Variants in ITPA observed in about 807,000 individuals in gnomAD.
ITPA encodes inosine triphosphate pyrophosphatase.
In ITPA, 29 loss-of-function variants were observed where a neutral mutation model predicts 29.6. The ratio of observed to expected loss-of-function variants is 0.98; its 90% CI spans 0.73 to 1.34. The LOEUF (loss-of-function observed/expected upper bound fraction) is 1.34, where lower values mean the gene tolerates loss of function less well. Ranked by LOEUF, ITPA falls within the 40% of genes most tolerant of loss-of-function variation. The pLI, the probability that ITPA is intolerant of heterozygous loss-of-function variation, is 0.00. For missense variants in ITPA, 241 were observed against 251.5 expected (o/e 0.96, Z 0.28); for synonymous variants, 103 against 99.3 (o/e 1.04, Z -0.22).
downstream of ITPA, among the ~76,000 whole-genome samples, chr20:3,225,596 C>T (rs888782961): frequency 2.6e-5 from 4 of 152,222 alleles, no homozygotes; most frequent in Non-Finnish European, 5.9e-5. Flanking sequence ...CCACACCTCG[C>T]CCCGTGCATC....
chr20:3,204,981 G>A (rs1385057241), upstream of ITPA, among the ~76,000 whole-genome samples: 1 of 152,020 alleles, frequency 6.6e-6, no homozygotes, highest in African/African-American at 2.4e-5. Flanking sequence ...CTCCCGAGTA[G>A]CTGGGATTAC....
Position 3,219,616 on chromosome 20 carries a change from G to C in ITPA, c.411+984G>C, listed in dbSNP as rs143932784. ...AAAAAATATCTGGGCATGGTGGCAG[G>C]CACCTGTAATCCCAGCTACTGGGGA... is the stretch of plus-strand genomic sequence containing the variant. On this transcript the variant is annotated intron_variant, in intron 6 of 7. Coordinates refer to ENST00000380113, the MANE Select transcript of ITPA (RefSeq NM_033453.4). Among the ~76,000 whole-genome samples, 258 of 151,766 alleles carry C rather than the reference G, an allele frequency of 1.7e-3. 1 individual carries two copies. The highest frequency in any genetic ancestry group is 5.9e-3 in the African/African-American group (245 of 41,372).
chr20:3,211,492 T>TTTTGTTTGTTTG (rs145405860), intron 1 of ITPA, among the ~76,000 whole-genome samples: 7,021 of 150,178 alleles, frequency 0.047, 188 homozygotes, highest in Non-Finnish European at 0.064. Flanking sequence ...TTTTGTTTTG[T>TTTTGTTTGTTTG]TTTGTTTGTT....
upstream of ITPA, chr20:3,204,470 G>A (rs902716757): frequency 8.9e-6 from 13 of 1,467,968 alleles, no homozygotes; most frequent in African/African-American, 5.6e-5. Flanking sequence ...GCGGCGCGAC[G>A]GTCCACAAAG....
chr20:3,222,917 G>T (rs78858409), intron 7 of ITPA, among the ~76,000 whole-genome samples: 1 of 152,238 alleles, frequency 6.6e-6, no homozygotes, highest in Non-Finnish European at 1.5e-5. Context: ...GGCCACGGGC[G>T]GGGTATGGGA....
At position 3,213,342 on chromosome 20, in the gene ITPA, G is replaced by A. The variant is rs1170842789; in HGVS notation, c.148G>A (p.Asp50Asn). The A allele has an allele frequency of 1.2e-6, 2 of 1,614,152 alleles. No homozygotes were observed. The highest frequency in any genetic ancestry group is 3.3e-5 in the Admixed American group (2 of 60,004). The change falls in exon 3 of 8, where the codon GAT becomes AAT. Residue 50 changes from aspartate to asparagine, a missense_variant. Physicochemically the swap from Asp to Asn is conservative, Grantham distance 23 (BLOSUM62 1). Coordinates refer to ENST00000380113, the MANE Select transcript of ITPA (RefSeq NM_033453.4). ...AGTGCCGGAGTACCAGGGGGAGCCG[G>A]ATGAGATTTCCATACAGAAATGTCA... Reference protein sequence around the residue: ...IDLPEYQGEPDEISIQKCQEA... With the variant: ...IDLPEYQGEPNEISIQKCQEA...
chr20:3,204,339 G>A (rs1434024943), upstream of ITPA, among the ~76,000 whole-genome samples: 1 of 152,146 alleles, frequency 6.6e-6, no homozygotes, highest in Admixed American at 6.5e-5. Context: ...GGAGTCGAGA[G>A]AAAGGGGTAG....
upstream of ITPA, among the ~76,000 whole-genome samples, chr20:3,206,873 G>T (rs1365261431): frequency 6.6e-6 from 1 of 151,618 alleles, no homozygotes; most frequent in African/African-American, 2.4e-5. Flanking sequence ...AATTAACCAG[G>T]CATGGTGGTG....
chr20:3,224,363 C>T (rs1397846048), downstream of ITPA, among the ~76,000 whole-genome samples: 1 of 152,190 alleles, frequency 6.6e-6, no homozygotes, highest in Non-Finnish European at 1.5e-5. Flanking sequence ...AGGGACCTCT[C>T]CAGGTGGCTC....
chr20:3,223,785 A>G lies in ITPA; in HGVS notation c.*323A>G, dbSNP rs1188632284. Reference sequence around the variant, plus strand: ...GGAGGAACCATGCAAATCGCCTTCCATGGTTTTTAAATGCAGTAAATAACA... The same window carrying G: ...GGAGGAACCATGCAAATCGCCTTCCGTGGTTTTTAAATGCAGTAAATAACA... On this transcript the variant is annotated 3_prime_UTR_variant, in exon 8 of 8. Coordinates refer to ENST00000380113, the MANE Select transcript of ITPA (RefSeq NM_033453.4). 9.8e-6 allele frequency: 4 copies of G among 409,394 alleles called. 1 individual carries two copies. Among genetic ancestry groups the G allele is most frequent in the African/African-American group, 8.0e-5 (4 of 49,770 alleles). The allele number at this position is 409,394 out of a possible 1,614,324, so 25.4% of individuals were successfully genotyped here.
At chr20:3,218,358 AGTCCCACTGCCTTGG>A (rs2067365068) in intron 5 of ITPA, among the ~76,000 whole-genome samples, 144 bp from the exon 6 acceptor site, 1 of 152,186 alleles carries the variant, frequency 6.6e-6, no homozygotes, top group African/African-American at 2.4e-5. Flanking sequence ...TTTCAAGCCT[AGTCCCACTGCCTTGG>A]GCTCTGCCGC....
At chr20:3,211,111 C>T (rs2067162026) in intron 1 of ITPA, among the ~76,000 whole-genome samples, 1 of 148,552 alleles carries the variant, frequency 6.7e-6, no homozygotes, top group African/African-American at 2.5e-5. Context: ...CTAGAGTAGC[C>T]AAGGGAGACT....
upstream of ITPA, among the ~76,000 whole-genome samples, chr20:3,206,696 T>C (rs1467792552): frequency 1.3e-5 from 2 of 151,224 alleles, no homozygotes; most frequent in Non-Finnish European, 2.9e-5. Context: ...CCAGGCGTGG[T>C]GGTGGGCGCC....
At chr20:3,224,210 A>G (rs939641855), downstream of ITPA, among the ~76,000 whole-genome samples, 9 of 152,162 alleles carry the variant, frequency 5.9e-5, no homozygotes. Flanking sequence ...TGGCCAGTTC[A>G]TTTTTATGGT....
At chr20:3,210,739 A>G (rs971302265) in intron 1 of ITPA, among the ~76,000 whole-genome samples, 3 of 152,110 alleles carry the variant, frequency 2.0e-5, no homozygotes, top group Non-Finnish European at 4.4e-5. Flanking sequence ...CTGGCTGAGA[A>G]TATTGCCCTC....
chr20:3,227,339 G>A (rs2067567228), downstream of ITPA: 3 of 248,180 alleles, frequency 1.2e-5, no homozygotes, highest in South Asian at 1.5e-4. Flanking sequence ...TCTGTCCCTT[G>A]CATTCCACTT....
In ITPA at chr20:3,221,834, G is replaced by A. The variant is rs2122440596; in HGVS notation, c.412-7G>A. On this transcript the variant is annotated splice_region_variant and splice_polypyrimidine_tract_variant and intron_variant, in intron 6 of 7. Coordinates refer to ENST00000380113, the MANE Select transcript of ITPA (RefSeq NM_033453.4). ...GTTACACACCTGTCCCCCCTTTCCT[G>A]TGGCAGGGCCGGATCGTGGCACCCA... 1 of 1,614,080 alleles carries A rather than the reference G, an allele frequency of 6.2e-7. No homozygotes were observed. The highest frequency in any genetic ancestry group is 1.1e-5 in the South Asian group (1 of 91,086).
intron 6 of ITPA, among the ~76,000 whole-genome samples, chr20:3,220,024 A>G (rs1159663148): frequency 2.2e-5 from 3 of 138,472 alleles, no homozygotes; most frequent in Non-Finnish European, 3.1e-5. Flanking sequence ...CCATGGAGTG[A>G]CGGAGTGAGA....
chr20:3,218,953 A>G (rs1322955634), intron 6 of ITPA: 2 of 424,760 alleles, frequency 4.7e-6, no homozygotes, highest in Non-Finnish European at 8.9e-6. Context: ...CAGTTGGCTA[A>G]CAGCTCCTGA....
Sources: gnomAD v4.1 joint callset for allele counts (sites outside exome capture counted in the v4.1 genomes callset) on GRCh38, gnomAD v4.1.1 for gene constraint, MANE v1.5 for transcripts, NCBI Gene and HGNC (gene_info 2026-07-23, HGNC 2026-07-21) for gene names.